DLG2: variants seen among roughly 807,000 people sequenced by gnomAD.
DLG2 encodes disks large homolog 2.
Under a neutral mutation model 132.5 loss-of-function variants are expected in DLG2, and 45 were observed. That is an observed-to-expected ratio of 0.34 (90% CI 0.27 to 0.44). The LOEUF is 0.44. Among genes scored for constraint, DLG2 ranks in the 20% least tolerant of loss-of-function variants. The probability of loss-of-function intolerance (pLI) is 1.00; values close to 1 mark genes in which losing one functional copy is unlikely to be tolerated. For synonymous variants in DLG2, 424 were observed against 419.6 expected (o/e 1.01, Z -0.13); for missense variants, 1,045 against 1,196.9 (o/e 0.87, Z 1.87).
intron 3 of DLG2, among the ~76,000 whole-genome samples, chr11:85,350,973 G>T: frequency 6.6e-6 from 1 of 152,134 alleles, no homozygotes. Flanking sequence ...GATGGGGATG[G>T]CATTGAATCT....
intron 5 of DLG2, among the ~76,000 whole-genome samples, chr11:85,129,936 C>A (rs186398209): frequency 1.5e-4 from 23 of 152,162 alleles, no homozygotes; most frequent in Non-Finnish European, 2.6e-4. Context: ...AATCATCATT[C>A]TCAGCAAACT....
intron 14 of DLG2, among the ~76,000 whole-genome samples, chr11:83,932,187 C>T (rs2080384750): frequency 6.6e-6 from 1 of 151,514 alleles, no homozygotes. Flanking sequence ...TTAAAAATAT[C>T]AGTAAAAATC....
chr11:84,408,776 C>G lies in DLG2; in HGVS notation c.519+125794G>C, dbSNP rs943575822. ...GCCACTGCTCTTTGACCACTTATAT[C>G]CAGGCAGTCACCATTTCAATTTCAA... On this transcript the variant is annotated intron_variant, in intron 7 of 27. Coordinates refer to ENST00000376104, the MANE Select transcript of DLG2 (RefSeq NM_001142699.3). Among the ~76,000 whole-genome samples the G allele has an allele frequency of 1.3e-5, 2 of 152,112 alleles. 1 individual carries two copies. The highest frequency in any genetic ancestry group is 4.1e-4 in the South Asian group (2 of 4,828).
At chr11:84,140,466 A>G (rs1022390888) in intron 9 of DLG2, among the ~76,000 whole-genome samples, 2 of 152,184 alleles carry the variant, frequency 1.3e-5, no homozygotes, top group African/African-American at 4.8e-5. Flanking sequence ...AAATATAGAT[A>G]CGTTTTTATG....
chr11:84,612,419 C>G (rs1056559278), intron 6 of DLG2, among the ~76,000 whole-genome samples: 1 of 152,012 alleles, frequency 6.6e-6, no homozygotes, highest in East Asian at 1.9e-4. Context: ...CTTATGTAGA[C>G]ATACGCATTC....
chr11:85,343,859 A>C (rs2082662432), intron 3 of DLG2, among the ~76,000 whole-genome samples: 1 of 152,210 alleles, frequency 6.6e-6, no homozygotes, highest in Non-Finnish European at 1.5e-5. Context: ...TTTTCTTGGC[A>C]AATGGGCTTT....
chr11:85,389,277 CT>C (rs1472171290), intron 3 of DLG2, among the ~76,000 whole-genome samples: 2 of 152,096 alleles, frequency 1.3e-5, no homozygotes, highest in African/African-American at 4.8e-5. Context: ...AAAGACAAGG[CT>C]TTCAAATTAA....
chr11:85,042,962 A>G (rs1347680760), intron 6 of DLG2, among the ~76,000 whole-genome samples: 1 of 151,856 alleles, frequency 6.6e-6, no homozygotes, highest in Non-Finnish European at 1.5e-5. Context: ...TGGTTTTCAT[A>G]TTTTGAACTT....
Position 84,560,807 on chromosome 11 carries a change from C to G in DLG2, c.358-26076G>C, listed in dbSNP as rs2099426671. On this transcript the variant is annotated intron_variant, in intron 6 of 27. Coordinates refer to ENST00000376104, the MANE Select transcript of DLG2 (RefSeq NM_001142699.3). ...TTACTTCAAGAGGTCTGAGTGCCAC[C>G]CTTTGCCATGAAGGAAAACTAATAA... Among the ~76,000 whole-genome samples, 3 of 151,972 alleles carry G rather than the reference C, an allele frequency of 2.0e-5. No homozygotes were observed. The South Asian group carries it at 6.2e-4, about 31-fold the overall frequency.
At chr11:84,219,535 G>T (rs554043139) in intron 8 of DLG2, among the ~76,000 whole-genome samples, 2 of 152,074 alleles carry the variant, frequency 1.3e-5, no homozygotes, top group Non-Finnish European at 2.9e-5. Flanking sequence ...TGGTAAATTC[G>T]CATGAAATTG....
chr11:84,909,578 G>A (rs2091878793), intron 6 of DLG2, among the ~76,000 whole-genome samples: 1 of 152,078 alleles, frequency 6.6e-6, no homozygotes, highest in East Asian at 1.9e-4. Context: ...CTTTTCTTCT[G>A]CAATTTCTTC....
At chr11:84,150,345 T>C (rs538752963) in intron 9 of DLG2, among the ~76,000 whole-genome samples, 5 of 152,264 alleles carry the variant, frequency 3.3e-5, no homozygotes, top group Admixed American at 1.3e-4. Flanking sequence ...GTAAATAGGA[T>C]TGCATTGTTA....
At chr11:84,942,015 C>A (rs1223637873) in intron 6 of DLG2, among the ~76,000 whole-genome samples, 4 of 152,074 alleles carry the variant, frequency 2.6e-5, no homozygotes, top group Non-Finnish European at 5.9e-5. Flanking sequence ...TGCATTTCCT[C>A]CAGATTTTCC....
chr11:85,093,751 G>A (rs759835564), intron 6 of DLG2, among the ~76,000 whole-genome samples: 2 of 152,132 alleles, frequency 1.3e-5, no homozygotes, highest in African/African-American at 4.8e-5. Context: ...CCCCGACTGG[G>A]TCCCTCACAT....
chr11:84,226,915 G>A (rs1194095813), intron 8 of DLG2, among the ~76,000 whole-genome samples: 2 of 151,822 alleles, frequency 1.3e-5, no homozygotes, highest in Non-Finnish European at 2.9e-5. Context: ...GTGAAACCCC[G>A]TCTCTACTGA....
At chr11:84,434,918 G>GAAAAAAAAAAAAAAAAAAAAAAAAA in intron 7 of DLG2, among the ~76,000 whole-genome samples, 1 of 79,260 alleles carries the variant, frequency 1.3e-5, no homozygotes. Context: ...GTCACCTACT[G>GAAAAAAAAAAAAAAAAAAAAAAAAA]AAAAAAAAAA....
At chr11:84,473,399 G>A (rs1235927488) in intron 7 of DLG2, among the ~76,000 whole-genome samples, 1 of 152,010 alleles carries the variant, frequency 6.6e-6, no homozygotes, top group Non-Finnish European at 1.5e-5. Context: ...TTGGAGGGAA[G>A]TGTGCAGGTG....
At chr11:85,239,228 C>T (rs919216462) in intron 4 of DLG2, among the ~76,000 whole-genome samples, 1 of 152,038 alleles carries the variant, frequency 6.6e-6, no homozygotes, top group African/African-American at 2.4e-5. Context: ...GAAGTTATTA[C>T]AGTAGTACAG....
intron 11 of DLG2, among the ~76,000 whole-genome samples, chr11:84,055,616 C>G (rs1194080474): frequency 6.6e-6 from 1 of 152,032 alleles, no homozygotes; most frequent in Admixed American, 6.6e-5. Flanking sequence ...CTACTTCTAT[C>G]TGGGATGCTC....
Sources: allele counts gnomAD v4.1 joint callset (sites outside exome capture counted in the v4.1 genomes callset), GRCh38; gene constraint gnomAD v4.1.1; transcripts MANE v1.5; gene names NCBI Gene and HGNC (gene_info 2026-07-23, HGNC 2026-07-21).